EYA4: variants seen among roughly 807,000 people sequenced by gnomAD.
EYA4 encodes the protein protein phosphatase EYA4.
EYA4 carries 31 observed loss-of-function variants against 87.9 expected under a neutral mutation model. The ratio of observed to expected loss-of-function variants is 0.35; its 90% CI spans 0.27 to 0.48. The LOEUF (loss-of-function observed/expected upper bound fraction) is 0.48, where lower values mean the gene tolerates loss of function less well. EYA4 is among the 20% of genes least tolerant of loss of function. The pLI is 0.99. For synonymous variants in EYA4, 263 were observed against 270.6 expected (o/e 0.97, Z 0.28); for missense variants, 678 against 761.4 (o/e 0.89, Z 1.29).
chr6:133,366,840 G>T (rs1784889474), intron 2 of EYA4, among the ~76,000 whole-genome samples: 1 of 152,166 alleles, frequency 6.6e-6, no homozygotes, highest in South Asian at 2.1e-4. Flanking sequence ...GGGGCTTATT[G>T]AACATACAGA....
chr6:133,241,322 G>C (rs1773920198), upstream of EYA4: 1 of 152,268 alleles, frequency 6.6e-6, no homozygotes, highest in East Asian at 2.0e-4. Context: ...GCTGCCGGCA[G>C]CGCGGCGCAC....
Position 133,479,250 on chromosome 6 carries a change from C to T in EYA4, c.971-2213C>T, listed in dbSNP as rs192527634. ...TCTAAAGACTAATTTAATGCCTATACAAATAAGGTGAAACATGATTTACTA... is the reference window on the plus strand; with the variant it reads ...TCTAAAGACTAATTTAATGCCTATATAAATAAGGTGAAACATGATTTACTA... On this transcript the variant is annotated intron_variant, in intron 11 of 19. Transcript: ENST00000355286. Among the ~76,000 whole-genome samples the T allele has an allele frequency of 4.4e-3, 674 of 152,214 alleles. 8 individuals carry two copies. The highest frequency in any genetic ancestry group is 0.016 in the African/African-American group (650 of 41,538).
At chr6:133,300,367 A>G (rs1005789374) in intron 2 of EYA4, among the ~76,000 whole-genome samples, 1 of 152,156 alleles carries the variant, frequency 6.6e-6, no homozygotes. Context: ...CTACTGTTAA[A>G]TATTAATGTA....
intron 3 of EYA4, among the ~76,000 whole-genome samples, chr6:133,410,010 A>C (rs1789068143): frequency 6.6e-6 from 1 of 152,198 alleles, no homozygotes; most frequent in South Asian, 2.1e-4. Context: ...TATTTAAAAA[A>C]TAGAGTTATT....
intron 1 of EYA4, among the ~76,000 whole-genome samples, chr6:133,263,913 C>G (rs1195534657): frequency 1.3e-5 from 2 of 152,214 alleles, no homozygotes; most frequent in Non-Finnish European, 2.9e-5. Context: ...ATCCCAAGGT[C>G]TGCACATGGA....
chr6:133,448,638 G>A (rs1036608036), intron 5 of EYA4, among the ~76,000 whole-genome samples: 1 of 152,042 alleles, frequency 6.6e-6, no homozygotes, highest in Non-Finnish European at 1.5e-5. Context: ...ATATTCCAAA[G>A]TATATAAGGT....
intron 2 of EYA4, among the ~76,000 whole-genome samples, chr6:133,339,256 A>G (rs76345549): frequency 0.03 from 4,548 of 152,276 alleles, 227 homozygotes; most frequent in African/African-American, 0.1. Context: ...TTTGGTTAGC[A>G]TCTCTGAAGG....
chr6:133,405,799 T>A (rs1000096522), intron 3 of EYA4, among the ~76,000 whole-genome samples: 18 of 151,560 alleles, frequency 1.2e-4, no homozygotes, highest in African/African-American at 4.4e-4. Flanking sequence ...GGGAAGGGGG[T>A]GACAATTTTG....
intron 2 of EYA4, among the ~76,000 whole-genome samples, chr6:133,326,349 A>G (rs1781497398): frequency 6.6e-6 from 1 of 152,218 alleles, no homozygotes; most frequent in Non-Finnish European, 1.5e-5. Context: ...TTGAGCATCA[A>G]TATGACTGTC....
intron 13 of EYA4, among the ~76,000 whole-genome samples, chr6:133,497,860 A>C (rs1024015028): frequency 3.3e-5 from 5 of 152,156 alleles, no homozygotes; most frequent in Admixed American, 2.0e-4. Context: ...AGTCAGGGGG[A>C]AAAAGTGAAG....
chr6:133,443,109 G>A (rs1378105723), intron 3 of EYA4, among the ~76,000 whole-genome samples: 1 of 151,376 alleles, frequency 6.6e-6, no homozygotes, highest in Non-Finnish European at 1.5e-5. Flanking sequence ...TCTGGTTTTG[G>A]GGTCAGGGTA....
intron 3 of EYA4, among the ~76,000 whole-genome samples, chr6:133,438,324 A>G (rs1485499473): frequency 6.6e-6 from 1 of 150,624 alleles, no homozygotes; most frequent in African/African-American, 2.5e-5. Flanking sequence ...TTCAGGGGTA[A>G]CATTTTCTGT....
intron 1 of EYA4, among the ~76,000 whole-genome samples, chr6:133,260,214 GT>G (rs1463293066): frequency 6.6e-6 from 1 of 151,144 alleles, no homozygotes; most frequent in Non-Finnish European, 1.5e-5. Context: ...TCTCTACTGT[GT>G]TTTGTTTCTT....
At chr6:133,396,461 C>T (rs962239288) in intron 3 of EYA4, among the ~76,000 whole-genome samples, 5 of 152,098 alleles carry the variant, frequency 3.3e-5, no homozygotes, top group East Asian at 1.9e-4. Flanking sequence ...ACACCCTGCT[C>T]GGTGCAACAG....
intron 2 of EYA4, among the ~76,000 whole-genome samples, chr6:133,311,534 G>T (rs958034907): frequency 7.3e-5 from 11 of 151,666 alleles, no homozygotes; most frequent in Admixed American, 2.0e-4. Context: ...GCCCAGGCTG[G>T]TCTCAAAAAC....
chr6:133,485,778 A>G (rs1323811920), intron 13 of EYA4, among the ~76,000 whole-genome samples: 1 of 152,208 alleles, frequency 6.6e-6, no homozygotes, highest in Non-Finnish European at 1.5e-5. Flanking sequence ...AATATGGCAG[A>G]CAGTAATCAG....
rs1430452810 is a variant in EYA4 at position 133,522,953 on chromosome 6, G to A, written c.1617-103G>A. On this transcript the variant is annotated intron_variant, in intron 17 of 19. Coordinates refer to ENST00000355286, the MANE Select transcript of EYA4 (RefSeq NM_004100.5). ...AGGCAATAGTAATGAATTTTGAAAGGGACCATTAATTAAGGAATTTAGAGA... is the reference window on the plus strand; with the variant it reads ...AGGCAATAGTAATGAATTTTGAAAGAGACCATTAATTAAGGAATTTAGAGA... 17 of 955,774 alleles carry A rather than the reference G, an allele frequency of 1.8e-5. No homozygotes were observed. The Admixed American group carries it at 3.0e-4, about 17-fold the overall frequency. 59.2% of individuals were successfully genotyped at this position (955,774 alleles called of 1,614,324 possible).
intron 3 of EYA4, among the ~76,000 whole-genome samples, chr6:133,385,438 TGTGAGAGA>T (rs1473613857): frequency 2.7e-5 from 3 of 110,758 alleles, no homozygotes; most frequent in African/African-American, 9.0e-5. Context: ...TGTGTGTGTG[TGTGAGAGA>T]GAGAGAGAGA....
chr6:133,520,132 C>A (rs1021178682), intron 17 of EYA4, among the ~76,000 whole-genome samples: 2 of 151,916 alleles, frequency 1.3e-5, no homozygotes, highest in Non-Finnish European at 2.9e-5. Flanking sequence ...AAGTTCTGGC[C>A]AGGGCAATTA....
Sources: gnomAD v4.1 joint callset for allele counts (sites outside exome capture counted in the v4.1 genomes callset) on GRCh38, gnomAD v4.1.1 for gene constraint, MANE v1.5 for transcripts, NCBI Gene and HGNC (gene_info 2026-07-23, HGNC 2026-07-21) for gene names.